N4BP2L2: variants seen among roughly 807,000 people sequenced by gnomAD.
The protein encoded by N4BP2L2 is NEDD4-binding protein 2-like 2.
Under a neutral mutation model 56.2 loss-of-function variants are expected in N4BP2L2, and 50 were observed. That is an observed-to-expected ratio of 0.89 (90% CI 0.71 to 1.13). N4BP2L2 has a LOEUF of 1.13. N4BP2L2 is among the 50% of genes most tolerant of loss of function. The probability of loss-of-function intolerance (pLI) is 0.00; values close to 1 mark genes in which losing one functional copy is unlikely to be tolerated. For synonymous variants in N4BP2L2, 203 were observed against 223.6 expected, an observed-to-expected ratio of 0.91 and a Z score of 0.82; for missense variants, 689 against 693.8, an observed-to-expected ratio of 0.99 and a Z score of 0.08.
intron 2 of N4BP2L2, among the ~76,000 whole-genome samples, chr13:32,527,964 G>GTT (rs1380516591): frequency 6.6e-6 from 1 of 151,954 alleles, no homozygotes; most frequent in Non-Finnish European, 1.5e-5. Flanking sequence ...TACAGACAGG[G>GTT]TTTCACCATG....
chr13:32,493,375 T>C (rs140950451), intron 6 of N4BP2L2, among the ~76,000 whole-genome samples: 1,620 of 152,238 alleles, frequency 0.011, 28 homozygotes, highest in South Asian at 0.011. Flanking sequence ...CTCTCAGCGG[T>C]ATAAAAATAA....
intron 6 of N4BP2L2, among the ~76,000 whole-genome samples, chr13:32,499,189 C>T (rs1375146025): frequency 1.3e-5 from 2 of 152,114 alleles, no homozygotes; most frequent in African/African-American, 2.4e-5. Flanking sequence ...CTTCCTTGAA[C>T]CTGGCCCTCT....
chr13:32,467,047 G>C (rs929740220), intron 6 of N4BP2L2, among the ~76,000 whole-genome samples: 1 of 152,030 alleles, frequency 6.6e-6, no homozygotes, highest in African/African-American at 2.4e-5. Context: ...ACACAAACTT[G>C]ATGTAGTAAA....
At chr13:32,438,736 T>C (rs749076084) in exon 8 of N4BP2L2, 2 of 1,604,532 alleles carry the variant, frequency 1.2e-6, no homozygotes, top group East Asian at 2.2e-5. Context: ...GCAACAAGGA[T>C]TCTGTGAAAG....
intron 6 of N4BP2L2, among the ~76,000 whole-genome samples, chr13:32,493,443 A>G (rs537404786): frequency 1.3e-5 from 2 of 152,310 alleles, no homozygotes; most frequent in African/African-American, 4.8e-5. Context: ...ACTGGTACAC[A>G]AACAGTTTTT....
chr13:32,437,625 G>C (rs144861332), intron 8 of N4BP2L2, among the ~76,000 whole-genome samples: 1 of 152,136 alleles, frequency 6.6e-6, no homozygotes, highest in African/African-American at 2.4e-5. Context: ...GAATAGTTAC[G>C]TCTGTCACTG....
chr13:32,452,900 A>C (rs2078330145), intron 6 of N4BP2L2, among the ~76,000 whole-genome samples: 1 of 152,256 alleles, frequency 6.6e-6, no homozygotes, highest in African/African-American at 2.4e-5. Context: ...TTCATGAAAG[A>C]TATATCAGAC....
At chr13:32,447,661 C>T (rs979067984) in intron 6 of N4BP2L2, among the ~76,000 whole-genome samples, 2 of 152,028 alleles carry the variant, frequency 1.3e-5, no homozygotes, top group African/African-American at 4.8e-5. Flanking sequence ...ATAGGCTAAT[C>T]TGTCATTAAA....
intron 2 of N4BP2L2, among the ~76,000 whole-genome samples, chr13:32,531,737 T>C (rs757707500): frequency 1.1e-4 from 17 of 152,214 alleles, no homozygotes; most frequent in Admixed American, 7.2e-4. Context: ...GGTAAGTATA[T>C]TCATTTCTGT....
chr13:32,492,586 C>A (rs1211181307), intron 6 of N4BP2L2, among the ~76,000 whole-genome samples: 1 of 152,040 alleles, frequency 6.6e-6, no homozygotes, highest in African/African-American at 2.4e-5. Flanking sequence ...GGCAAACTTA[C>A]TTTTTAAGTA....
At chr13:32,488,603 TTAA>T (rs1454840869) in intron 6 of N4BP2L2, among the ~76,000 whole-genome samples, 5 of 152,152 alleles carry the variant, frequency 3.3e-5, no homozygotes, top group Non-Finnish European at 7.3e-5. Flanking sequence ...TCCCACAATT[TTAA>T]TAAAGGTATG....
chr13:32,492,806 G>C (rs985010267), intron 6 of N4BP2L2, among the ~76,000 whole-genome samples: 2 of 150,780 alleles, frequency 1.3e-5, no homozygotes, highest in African/African-American at 4.9e-5. Context: ...GGTATCAAAA[G>C]TACAAATTAA....
exon 6 of N4BP2L2, chr13:32,517,104 G>T: frequency 1.0e-6 from 1 of 982,202 alleles, no homozygotes; most frequent in Non-Finnish European, 1.2e-6. Context: ...AACATTATTA[G>T]AATCACTTTA....
At chr13:32,526,368 T>C (rs1428776901) in intron 3 of N4BP2L2, among the ~76,000 whole-genome samples, 2 of 152,342 alleles carry the variant, frequency 1.3e-5, no homozygotes, top group Non-Finnish European at 1.5e-5. Flanking sequence ...GGTTACATGA[T>C]CTGAAGGAAC....
chr13:32,524,409 T>C (rs2052029798), intron 3 of N4BP2L2: 1 of 152,230 alleles, frequency 6.6e-6, no homozygotes, highest in Admixed American at 6.5e-5. Context: ...TATCATCCAA[T>C]ACCATAGTCT....
At chr13:32,512,184 T>C (rs1346887951) in exon 6 of N4BP2L2, 3 of 152,172 alleles carry the variant, frequency 2.0e-5, no homozygotes, top group South Asian at 2.1e-4. Context: ...CCTTAGTTAC[T>C]AGCAAAACTG....
At chr13:32,509,902 A>T (rs1464420160), downstream of N4BP2L2, among the ~76,000 whole-genome samples, 1 of 152,170 alleles carries the variant, frequency 6.6e-6, no homozygotes, top group East Asian at 1.9e-4. Flanking sequence ...AGAGAAACCA[A>T]ACAAGACCCA....
intron 6 of N4BP2L2, among the ~76,000 whole-genome samples, chr13:32,446,144 T>C (rs1337786374): frequency 6.6e-6 from 1 of 152,226 alleles, no homozygotes; most frequent in Non-Finnish European, 1.5e-5. Context: ...TTATTCCATA[T>C]GCTGGGCAAT....
At chr13:32,444,953 T>C (rs2076814472) in intron 6 of N4BP2L2, among the ~76,000 whole-genome samples, 1 of 152,136 alleles carries the variant, frequency 6.6e-6, no homozygotes, top group Non-Finnish European at 1.5e-5. Flanking sequence ...TTTGTGTATA[T>C]AAACATATCT....
Sources: gnomAD v4.1 joint callset for allele counts (sites outside exome capture counted in the v4.1 genomes callset) on GRCh38, gnomAD v4.1.1 for gene constraint, MANE v1.5 for transcripts, NCBI Gene and HGNC (gene_info 2026-07-23, HGNC 2026-07-21) for gene names.